MKRN2: variants seen among roughly 807,000 people sequenced by gnomAD.
MKRN2 encodes the protein E3 ubiquitin-protein ligase makorin-2.
A neutral mutation model predicts 45.4 loss-of-function variants in MKRN2; 32 were observed. The ratio of observed to expected loss-of-function variants is 0.70; its 90% CI spans 0.53 to 0.95. The LOEUF (loss-of-function observed/expected upper bound fraction) is 0.95. Among genes scored for constraint, MKRN2 ranks in the 40% least tolerant of loss-of-function variants. MKRN2 has a pLI of 0.00. For missense variants in MKRN2, 526 were observed against 536.7 expected (o/e 0.98, Z 0.20); for synonymous variants, 206 against 192.4 (o/e 1.07, Z -0.59).
At chr3:12,573,630 A>G (rs1449213523) in intron 4 of MKRN2, among the ~76,000 whole-genome samples, 1 of 152,198 alleles carries the variant, frequency 6.6e-6, no homozygotes, top group African/African-American at 2.4e-5. Flanking sequence ...ACAGTGGCTC[A>G]CGCCTGTAAT....
intron 6 of MKRN2, among the ~76,000 whole-genome samples, chr3:12,579,382 G>A (rs1248247205): frequency 6.6e-6 from 1 of 152,154 alleles, no homozygotes; most frequent in Non-Finnish European, 1.5e-5. Context: ...GGCCAGGCTG[G>A]TCTTGAACTC....
intron 6 of MKRN2, among the ~76,000 whole-genome samples, chr3:12,578,242 G>A (rs2058154611): frequency 1.3e-5 from 2 of 150,802 alleles, no homozygotes; most frequent in African/African-American, 4.9e-5. Context: ...AGAAAGATTG[G>A]ATTTCCCCTT....
At chr3:12,568,723 A>T (rs2058082441) in intron 1 of MKRN2, 152 bp from the exon 2 acceptor site, 1 of 1,014,190 alleles carries the variant, frequency 9.9e-7, no homozygotes, top group Non-Finnish European at 1.4e-6. Context: ...TTGTAGAATC[A>T]AGGAAATATA....
Position 12,572,282 on chromosome 3 carries a change from C to T in MKRN2, c.551C>T (p.Ala184Val). 6.2e-7 allele frequency: 1 copy of T among 1,613,752 alleles called. No individual in the cohort carries two copies. Among genetic ancestry groups the T allele is most frequent in the Non-Finnish European group, 8.5e-7 (1 of 1,179,706 alleles). Residue 184 changes from alanine (A) to valine (V), a missense_variant, in exon 4 of 8, where the codon GCC (alanine) becomes GTC (valine). By Grantham distance (64) the Ala-to-Val change is moderately conservative. Transcript: ENST00000170447. ...GCTGGGGAGTGCCGGTTTGGGGATG[C>T]CTGTGTCTACCTGCACGGGGAGGTG... ...AAAGECRFGD[A>V]CVYLHGEVCE...
chr3:12,578,858 ATTTT>A (rs374121518), intron 6 of MKRN2, among the ~76,000 whole-genome samples: 2 of 125,232 alleles, frequency 1.6e-5, no homozygotes, highest in Non-Finnish European at 3.3e-5. Context: ...CTAAAGCTTG[ATTTT>A]TTTTTTTTTT....
chr3:12,573,203 A>G (rs1365851852), intron 4 of MKRN2, among the ~76,000 whole-genome samples: 1 of 152,110 alleles, frequency 6.6e-6, no homozygotes, highest in Non-Finnish European at 1.5e-5. Context: ...GGCCCTATGC[A>G]TGATGCAGAG....
intron 1 of MKRN2, among the ~76,000 whole-genome samples, chr3:12,566,054 A>G (rs1266398139): frequency 6.6e-6 from 1 of 151,892 alleles, no homozygotes; most frequent in Admixed American, 6.6e-5. Flanking sequence ...GGGTTTTGCC[A>G]TGTTGCCCAG....
Position 12,570,197 on chromosome 3 carries a change from T to G in MKRN2, c.282T>G (p.Thr94=). 2 of 1,614,168 alleles carry G rather than the reference T, an allele frequency of 1.2e-6. No individual in the cohort carries two copies. Among genetic ancestry groups the G allele is most frequent in the Non-Finnish European group, 1.7e-6 (2 of 1,180,032 alleles). The change falls in exon 3 of 8, where the codon ACT becomes ACG. Residue 94 remains threonine, a synonymous_variant. Transcript: ENST00000170447. ...PSEVTASIVK[T]NSHEPGKREK... The stretch of plus-strand genomic sequence containing the variant: ...AGGTCACTGCATCCATTGTGAAAAC[T>G]AACTCACATGAACCCGGAAAGCGTG...
intron 1 of MKRN2, among the ~76,000 whole-genome samples, chr3:12,568,366 T>C (rs2058081042): frequency 6.6e-6 from 1 of 152,238 alleles, no homozygotes; most frequent in African/African-American, 2.4e-5. Context: ...TATCTTTTGA[T>C]ACCACACTAT....
chr3:12,570,482 C>T (rs1026476225), intron 3 of MKRN2, among the ~76,000 whole-genome samples: 5 of 152,098 alleles, frequency 3.3e-5, no homozygotes, highest in African/African-American at 1.2e-4. Context: ...CAAGACTGGC[C>T]TGGTAAAACA....
At chr3:12,578,745 T>C (rs543847586) in intron 6 of MKRN2, among the ~76,000 whole-genome samples, 1 of 152,322 alleles carries the variant, frequency 6.6e-6, no homozygotes, top group East Asian at 1.9e-4. Flanking sequence ...TGTTAAGACT[T>C]ATCTGCAGGA....
intron 1 of MKRN2, among the ~76,000 whole-genome samples, chr3:12,568,569 CAG>C (rs1328848750): frequency 6.6e-6 from 1 of 152,190 alleles, no homozygotes; most frequent in Non-Finnish European, 1.5e-5. Context: ...CAGTTTTTCA[CAG>C]AGTGTTTTCT....
chr3:12,560,967 T>G (rs532601875), intron 1 of MKRN2: 11 of 152,256 alleles, frequency 7.2e-5, no homozygotes, highest in African/African-American at 2.6e-4. Context: ...TATAAGCACA[T>G]GACAGAGATG....
intron 2 of MKRN2, 139 bp from the exon 3 acceptor site, chr3:12,569,932 A>C: frequency 5.5e-6 from 4 of 731,926 alleles, no homozygotes; most frequent in Non-Finnish European, 8.7e-6. Context: ...TAATCCTGTT[A>C]GAGTTTAAAT....
chr3:12,571,784 G>A (rs180790171), intron 3 of MKRN2, among the ~76,000 whole-genome samples: 6 of 152,158 alleles, frequency 3.9e-5, no homozygotes, highest in South Asian at 2.1e-4. Flanking sequence ...CATTTTAAAC[G>A]GCTTTAGTGT....
At chr3:12,571,123 T>TTTGTTTGC (rs373259579) in intron 3 of MKRN2, among the ~76,000 whole-genome samples, 1 of 139,242 alleles carries the variant, frequency 7.2e-6, no homozygotes, top group African/African-American at 2.8e-5. Context: ...TTTTTGTTTG[T>TTTGTTTGC]TTTGTTTTTG....
rs149984525 is a variant in MKRN2 at position 12,579,159 on chromosome 3, G to A, written c.968+2418G>A. 3.2e-3 allele frequency among the ~76,000 whole-genome samples: 489 copies of A among 152,252 alleles called. 4 individuals carry two copies. Among genetic ancestry groups the A allele is most frequent in the Non-Finnish European group, 5.5e-3 (375 of 68,008 alleles). On this transcript the variant is annotated intron_variant, in intron 6 of 7. Transcript: ENST00000170447. Reference sequence around the variant, plus strand: ...TTCTAGCTAAGCACCACTGGGGGATGTAGAGATTAGTAAGACAATTTCTTT... The same window carrying A: ...TTCTAGCTAAGCACCACTGGGGGATATAGAGATTAGTAAGACAATTTCTTT...
chr3:12,581,610 C>T (rs1037763005), intron 6 of MKRN2, among the ~76,000 whole-genome samples, 198 bp from the exon 7 acceptor site: 7 of 152,172 alleles, frequency 4.6e-5, no homozygotes, highest in African/African-American at 1.7e-4. Context: ...TACTTCCTAT[C>T]CTGCTTGGAA....
At chr3:12,576,936 T>G (rs1405306218) in intron 6 of MKRN2, 195 bp downstream of exon 6, 1 of 194,696 alleles carries the variant, frequency 5.1e-6, no homozygotes, top group African/African-American at 3.4e-5. Flanking sequence ...TTTTGGTGTT[T>G]TTTTTTTTTT....
Sources: allele counts gnomAD v4.1 joint callset (sites outside exome capture counted in the v4.1 genomes callset), GRCh38; gene constraint gnomAD v4.1.1; transcripts MANE v1.5; gene names NCBI Gene and HGNC (gene_info 2026-07-23, HGNC 2026-07-21).